CLIP4: variants seen among roughly 807,000 people sequenced by gnomAD.
CLIP4 encodes CAP-Gly domain-containing linker protein 4.
A neutral mutation model predicts 73.1 loss-of-function variants in CLIP4; 47 were observed. That is an observed-to-expected ratio of 0.64 (90% CI 0.51 to 0.82). The LOEUF is 0.82. CLIP4 is among the 40% of genes least tolerant of loss of function. The pLI, the probability that CLIP4 is intolerant of heterozygous loss-of-function variation, is 0.00. For synonymous variants in CLIP4, 306 were observed against 295.4 expected, an observed-to-expected ratio of 1.04 and a Z score of -0.37; for missense variants, 874 against 852.9, an observed-to-expected ratio of 1.02 and a Z score of -0.31.
chr2:29,175,859 T>C (rs1440301179), intron 15 of CLIP4, among the ~76,000 whole-genome samples: 2 of 152,138 alleles, frequency 1.3e-5, no homozygotes, highest in African/African-American at 2.4e-5. Context: ...CCTCCCGGGT[T>C]CACGCCATTC....
intron 5 of CLIP4, among the ~76,000 whole-genome samples, chr2:29,134,022 C>T (rs549902757): frequency 1.3e-5 from 2 of 152,050 alleles, no homozygotes; most frequent in African/African-American, 2.4e-5. Context: ...CAGAGAGATA[C>T]AAAATGAAAG....
chr2:29,131,792 G>A (rs1664989308), intron 3 of CLIP4: 1 of 247,522 alleles, frequency 4.0e-6, no homozygotes, highest in African/African-American at 2.2e-5. Context: ...TTTTGAGGGA[G>A]GGTTCCTTGA....
Position 29,145,319 on chromosome 2 carries a change from A to T in CLIP4, c.973A>T (p.Asn325Tyr). 1 of 1,613,382 alleles carries T rather than the reference A, an allele frequency of 6.2e-7. No individual in the cohort carries two copies. Among genetic ancestry groups the T allele is most frequent in the Non-Finnish European group, 8.5e-7 (1 of 1,179,454 alleles). The part of the protein sequence containing the change: ...IELDEPEGKN[N>Y]GSVGKVQYFK... The stretch of plus-strand genomic sequence containing the variant: ...ACTGGATGAACCAGAAGGAAAAAAT[A>T]ATGGAAGTGTTGGAAAAGTCCAGTA... Residue 325 changes from asparagine to tyrosine, a missense_variant, in exon 8 of 16, where the codon AAT becomes TAT. Transcript: ENST00000320081.
chr2:29,139,318 C>A (rs1256380897), intron 6 of CLIP4, among the ~76,000 whole-genome samples: 1 of 151,854 alleles, frequency 6.6e-6, no homozygotes, highest in Admixed American at 6.6e-5. Context: ...GACTTGCATA[C>A]GTTGAACCTC....
intron 1 of CLIP4, among the ~76,000 whole-genome samples, chr2:29,109,371 T>C (rs1450458725): frequency 6.6e-6 from 1 of 152,186 alleles, no homozygotes; most frequent in Non-Finnish European, 1.5e-5. Context: ...GACTTCAATT[T>C]TTTTTAAAAA....
At chr2:29,124,039 A>G (rs1041726491) in intron 2 of CLIP4, among the ~76,000 whole-genome samples, 1 of 152,208 alleles carries the variant, frequency 6.6e-6, no homozygotes, top group Non-Finnish European at 1.5e-5. Flanking sequence ...TTAAATTTAA[A>G]TAATATAAAA....
At chr2:29,112,362 C>G (rs2148443436), upstream of CLIP4, among the ~76,000 whole-genome samples, 1 of 152,314 alleles carries the variant, frequency 6.6e-6, no homozygotes, top group South Asian at 2.1e-4. Flanking sequence ...GTAAAGTCAT[C>G]CTATCCATGC....
chr2:29,166,595 C>T (rs1335172035), intron 13 of CLIP4, among the ~76,000 whole-genome samples: 1 of 151,778 alleles, frequency 6.6e-6, no homozygotes, highest in East Asian at 1.9e-4. Flanking sequence ...ATAATATTCA[C>T]TTTCTTAGTT....
chr2:29,175,284 A>G (rs1272860013), intron 15 of CLIP4: 2 of 152,224 alleles, frequency 1.3e-5, no homozygotes, highest in African/African-American at 4.8e-5. Context: ...ACTGTTAGGT[A>G]CTGTTGAGAG....
At chr2:29,109,942 C>A (rs1346515737) in intron 1 of CLIP4, among the ~76,000 whole-genome samples, 1 of 152,120 alleles carries the variant, frequency 6.6e-6, no homozygotes, top group Admixed American at 6.5e-5. Context: ...TCAGTAATCC[C>A]AGCTACTCGG....
At chr2:29,179,380 G>A (rs1321347709) in intron 15 of CLIP4, among the ~76,000 whole-genome samples, 1 of 152,148 alleles carries the variant, frequency 6.6e-6, no homozygotes, top group East Asian at 1.9e-4. Flanking sequence ...CCTAATGGCG[G>A]CGTAAACCTT....
chr2:29,157,606 G>C (rs1360052906), intron 11 of CLIP4, among the ~76,000 whole-genome samples: 1 of 151,994 alleles, frequency 6.6e-6, no homozygotes, highest in African/African-American at 2.4e-5. Flanking sequence ...TTCTTCACAG[G>C]CCTTTGTGTC....
At chr2:29,167,591 T>C (rs376142471) in intron 14 of CLIP4, 51 bp downstream of exon 14, 7 of 1,430,914 alleles carry the variant, frequency 4.9e-6, no homozygotes, top group Non-Finnish European at 6.7e-6. Context: ...TGCTTTCATT[T>C]ATTGAAAAAT....
At chr2:29,130,453 T>A (rs1351673315) in intron 2 of CLIP4, among the ~76,000 whole-genome samples, 5 of 152,162 alleles carry the variant, frequency 3.3e-5, no homozygotes, top group African/African-American at 1.2e-4. Context: ...CATTACTGAT[T>A]TGCTGCAATG....
At chr2:29,147,392 C>T (rs987860226) in intron 8 of CLIP4, among the ~76,000 whole-genome samples, 1 of 152,032 alleles carries the variant, frequency 6.6e-6, no homozygotes, top group Non-Finnish European at 1.5e-5. Context: ...TTTTGTCTAG[C>T]TTGTCATTTG....
At chr2:29,136,501 A>G (rs1258623447) in intron 6 of CLIP4, among the ~76,000 whole-genome samples, 2 of 152,062 alleles carry the variant, frequency 1.3e-5, no homozygotes, top group Non-Finnish European at 1.5e-5. Flanking sequence ...ACAATAATGT[A>G]GATAAAGCCC....
intron 1 of CLIP4, chr2:29,118,191 C>G (rs553733485): frequency 6.6e-6 from 1 of 152,256 alleles, no homozygotes; most frequent in Non-Finnish European, 1.5e-5. Context: ...TTGAATAACT[C>G]AAGGACACTC....
intron 2 of CLIP4, chr2:29,130,810 T>C: frequency 7.8e-7 from 1 of 1,288,778 alleles, no homozygotes; most frequent in South Asian, 1.2e-5. Context: ...AATATATAAA[T>C]GCAAAGAAGA....
At chr2:29,117,373 C>G (rs555145008) in intron 1 of CLIP4, among the ~76,000 whole-genome samples, 1 of 148,444 alleles carries the variant, frequency 6.7e-6, no homozygotes, top group African/African-American at 2.5e-5. Flanking sequence ...GAGTCTCGCT[C>G]TGCTCTGTCA....
Sources: allele counts gnomAD v4.1 joint callset (sites outside exome capture counted in the v4.1 genomes callset), GRCh38; gene constraint gnomAD v4.1.1; transcripts MANE v1.5; gene names NCBI Gene and HGNC (gene_info 2026-07-23, HGNC 2026-07-21).